Variants in PGLYRP4 observed in about 807,000 individuals in gnomAD.
The protein encoded by PGLYRP4 is peptidoglycan recognition protein 4, also known as PGRP-I-beta.
Under a neutral mutation model 41.2 loss-of-function variants are expected in PGLYRP4, and 39 were observed. The ratio of observed to expected loss-of-function variants is 0.95; its 90% CI spans 0.73 to 1.24. The LOEUF is 1.24. Ranked by LOEUF, PGLYRP4 falls within the 50% of genes most tolerant of loss-of-function variation. PGLYRP4 has a pLI of 0.00. For missense variants in PGLYRP4, 467 were observed against 460.7 expected, an observed-to-expected ratio of 1.01 and a Z score of -0.13; for synonymous variants, 202 against 186.8, an observed-to-expected ratio of 1.08 and a Z score of -0.66.
chr1:153,347,452 C>T (rs1352692719), intron 2 of PGLYRP4, among the ~76,000 whole-genome samples: 3 of 152,214 alleles, frequency 2.0e-5, no homozygotes, highest in African/African-American at 7.2e-5. Context: ...TCACTACAAC[C>T]TCCATCTCCT....
In PGLYRP4 at chr1:153,330,875, G is replaced by C. The variant is rs938485372; in HGVS notation, c.1014C>G (p.Tyr338Ter). ...CCACCAGCAGGTAGTTGGGAGTCAG[G>C]TACCCTTTGACCATGGCACACTGGA... Reference protein sequence around the residue: ...DLIQCAMVKGYLTPNYLLVGH... With the variant: ...DLIQCAMVKG The change falls in exon 9 of 9, where the codon TAC becomes TAG. Residue 338 changes from tyrosine (Y) to a stop codon, truncating the protein, a stop_gained. Transcript: ENST00000359650. LOFTEE classifies it high-confidence loss of function. The C allele has an allele frequency of 6.2e-7, 1 of 1,613,962 alleles. No individual in the cohort carries two copies. The highest frequency in any genetic ancestry group is 8.5e-7 in the Non-Finnish European group (1 of 1,179,906).
chr1:153,344,919 T>C (rs996114272), intron 4 of PGLYRP4: 17 of 463,832 alleles, frequency 3.7e-5, no homozygotes, highest in Middle Eastern at 6.0e-4. Flanking sequence ...CAAGCCAGGG[T>C]TGGGGGAGGG....
intron 7 of PGLYRP4, among the ~76,000 whole-genome samples, chr1:153,337,794 C>T (rs1660629140): frequency 6.6e-6 from 1 of 152,150 alleles, no homozygotes; most frequent in Non-Finnish European, 1.5e-5. Context: ...GATCTCCTTA[C>T]CATTAAATAC....
At chr1:153,340,353 G>T (rs1360036383) in intron 7 of PGLYRP4, 28 bp downstream of exon 7, 1 of 1,602,264 alleles carries the variant, frequency 6.2e-7, no homozygotes, top group Non-Finnish European at 8.5e-7. Flanking sequence ...CAAGGGAAAA[G>T]AAGCCCAGTG....
chr1:153,345,424 A>G (rs566230211), intron 3 of PGLYRP4, 42 bp from the exon 4 acceptor site: 2 of 1,554,896 alleles, frequency 1.3e-6, no homozygotes, highest in African/African-American at 2.7e-5. Flanking sequence ...TCACTACCGC[A>G]TTAGCCCGCC....
chr1:153,332,074 C>A (rs1018115125), intron 8 of PGLYRP4, among the ~76,000 whole-genome samples: 2 of 151,990 alleles, frequency 1.3e-5, no homozygotes, highest in Non-Finnish European at 2.9e-5. Flanking sequence ...CAAGAAACCC[C>A]CTAACTGGTA....
rs752142429 is a variant in PGLYRP4, at chr1:153,345,194, T to A, written c.328A>T (p.Asn110Tyr). 2.5e-6 allele frequency: 4 copies of A among 1,612,538 alleles called. No individual in the cohort carries two copies. The Admixed American group carries it at 6.7e-5, about 27-fold the overall frequency. ...TTGTAGGCCACATCACACCCACTGT[T>A]GTTGTGGACATGATGGGCCTGCAGT... ...RELQAHHVHN[N>Y]SGCDVAYNFL... is the part of the protein sequence containing the mutation. The change falls in exon 4 of 9, where the codon AAC becomes TAC. Residue 110 changes from asparagine to tyrosine, a missense_variant. Asn to Tyr is a moderately radical substitution (Grantham distance 143). Transcript: ENST00000359650.
intron 1 of PGLYRP4, 143 bp from the exon 2 acceptor site, chr1:153,348,121 C>A: frequency 1.7e-6 from 1 of 600,862 alleles, no homozygotes; most frequent in Non-Finnish European, 3.0e-6. Flanking sequence ...CTTCTCAGGG[C>A]CCCCAGCATA....
In PGLYRP4 at chr1:153,348,513, A is replaced by T. The variant is rs1661109353; in HGVS notation, c.-47+15T>A. 1 of 152,906 alleles carries T rather than the reference A, an allele frequency of 6.5e-6. No homozygotes were observed. The allele number at this position is 152,906 out of a possible 1,614,324, so 9.5% of individuals were successfully genotyped here. A position where few individuals can be genotyped will look rare whatever the true frequency, so the allele number is the denominator to read the frequency against. Reference sequence around the variant, plus strand: ...GGAAGAGGGCTTCTGAAGAAGAAACACATACTCAACTCACAGATATCTGTG... The same window carrying T: ...GGAAGAGGGCTTCTGAAGAAGAAACTCATACTCAACTCACAGATATCTGTG... On this transcript the variant is annotated intron_variant, in intron 1 of 8. Transcript: ENST00000359650.
At chr1:153,335,105 CA>C (rs1660497216) in intron 8 of PGLYRP4, among the ~76,000 whole-genome samples, 1 of 152,008 alleles carries the variant, frequency 6.6e-6, no homozygotes, top group Non-Finnish European at 1.5e-5. Flanking sequence ...GAAGAAAACC[CA>C]GGGAAAAACT....
In PGLYRP4 at chr1:153,346,478, G is replaced by GGA. The variant is rs1553198830; in HGVS notation, c.50-288_50-287insTC. Among the ~76,000 whole-genome samples the GGA allele has an allele frequency of 1.1e-4, 17 of 149,036 alleles. 1 individual carries two copies. Among genetic ancestry groups the GGA allele is most frequent in the African/African-American group, 4.2e-4 (17 of 40,732 alleles). On this transcript the variant is annotated intron_variant, in intron 2 of 8. Transcript: ENST00000359650. The stretch of plus-strand genomic sequence containing the variant: ...TGTATCTACACACACAATTGGCGGG[G>GGA]AAAAAAAAAAAACTAGAAATGTATT...
intron 5 of PGLYRP4, among the ~76,000 whole-genome samples, 159 bp downstream of exon 5, chr1:153,342,931 G>A (rs1660857051): frequency 6.6e-6 from 1 of 152,202 alleles, no homozygotes. Flanking sequence ...TCATTTCCTG[G>A]AAATCAAGGA....
At chr1:153,343,842 A>T (rs1356504788) in intron 4 of PGLYRP4, among the ~76,000 whole-genome samples, 1 of 152,200 alleles carries the variant, frequency 6.6e-6, no homozygotes, top group Non-Finnish European at 1.5e-5. Context: ...AGTAAAACAC[A>T]GATAAGACAG....
In PGLYRP4 at chr1:153,340,488, G is replaced by A. The variant is rs746130254; in HGVS notation, c.717C>T (p.Ile239=). ...TGTTGCAGGTCCTCCCGGCAGTGTG[G>A]ATAATGATGCCATACTTCGCTGGGA... ...MTLPAKYGII[I]HTAGRTCNIS... is the part of the protein sequence containing the mutation. The change falls in exon 7 of 9, where the codon ATC becomes ATT. Residue 239 remains isoleucine, a synonymous_variant. Coordinates refer to ENST00000359650, the MANE Select transcript of PGLYRP4 (RefSeq NM_020393.4). 11 of 1,614,142 alleles carry A rather than the reference G, an allele frequency of 6.8e-6. No individual in the cohort carries two copies. The South Asian group carries it at 1.2e-4, about 18-fold the overall frequency.
intron 6 of PGLYRP4, 47 bp from the exon 7 acceptor site, chr1:153,340,626 G>T: frequency 6.4e-7 from 1 of 1,572,772 alleles, no homozygotes. Flanking sequence ...CCCCATCTAT[G>T]CCAGCCACTT....
chr1:153,338,347 A>G (rs1425197602), intron 7 of PGLYRP4, among the ~76,000 whole-genome samples: 1 of 152,182 alleles, frequency 6.6e-6, no homozygotes, highest in Non-Finnish European at 1.5e-5. Context: ...AACCTCTGCT[A>G]CCATCACAGG....
chr1:153,347,833 T>G (rs1661079587), intron 2 of PGLYRP4, 51 bp downstream of exon 2: 2 of 1,377,190 alleles, frequency 1.5e-6, no homozygotes, highest in Non-Finnish European at 2.1e-6. Context: ...ATTATGAGAC[T>G]TTAGGATCAC....
At chr1:153,339,079 G>C (rs1660690120) in intron 7 of PGLYRP4, among the ~76,000 whole-genome samples, 1 of 152,190 alleles carries the variant, frequency 6.6e-6, no homozygotes, top group Non-Finnish European at 1.5e-5. Context: ...GAAAGAAAAT[G>C]ACACAGTCAT....
intron 7 of PGLYRP4, 24 bp downstream of exon 7, chr1:153,340,356 GC>G: frequency 6.2e-7 from 1 of 1,603,176 alleles, no homozygotes; most frequent in Non-Finnish European, 8.5e-7. Flanking sequence ...GGGAAAAGAA[GC>G]CCAGTGTACC....
Sources: allele counts gnomAD v4.1 joint callset (sites outside exome capture counted in the v4.1 genomes callset), GRCh38; gene constraint gnomAD v4.1.1; transcripts MANE v1.5; gene names NCBI Gene and HGNC (gene_info 2026-07-23, HGNC 2026-07-21).